MTMR1: variants seen among roughly 807,000 people sequenced by gnomAD.
MTMR1 encodes myotubularin related protein 1.
MTMR1 carries 17 observed loss-of-function variants against 51.6 expected under a neutral mutation model. The observed-to-expected ratio is 0.33, with a 90% CI of 0.23 to 0.49. The LOEUF (loss-of-function observed/expected upper bound fraction) is 0.49, where lower values mean the gene tolerates loss of function less well. MTMR1 is among the 20% of genes least tolerant of loss of function. MTMR1 has a pLI of 0.99. For synonymous variants in MTMR1, 201 were observed against 205.6 expected, an observed-to-expected ratio of 0.98 and a Z score of 0.19; for missense variants, 386 against 526.9, an observed-to-expected ratio of 0.73 and a Z score of 2.62.
At chrX:150,703,501 C>G (rs1309087172) in intron 2 of MTMR1, among the ~76,000 whole-genome samples, 2 of 112,041 alleles carry the variant, frequency 1.8e-5, no homozygotes, top group Non-Finnish European at 3.8e-5. Context: ...CACACACACA[C>G]AGTAGCTATA....
intron 4 of MTMR1, among the ~76,000 whole-genome samples, chrX:150,723,013 C>G (rs1167527875): frequency 1.9e-5 from 2 of 104,912 alleles, no homozygotes; most frequent in African/African-American, 3.5e-5. Flanking sequence ...TCCCCCCACC[C>G]CACAACAGTC....
chrX:150,764,474 T>A lies in MTMR1; in HGVS notation c.*1745T>A, dbSNP rs1307978897. On this transcript the variant is annotated 3_prime_UTR_variant, in exon 16 of 16. Transcript: ENST00000445323. ...TATACTGGATTATTGATATACTGAT[T>A]TTTTTTTTAATGGGGACATTTGCCA... is the stretch of plus-strand genomic sequence containing the variant. 1.8e-5 allele frequency: 2 copies of A among 110,620 alleles called. No individual in the cohort carries two copies. Among genetic ancestry groups the A allele is most frequent in the African/African-American group, 6.6e-5 (2 of 30,382 alleles). 9.1% of individuals were successfully genotyped at this position (110,620 alleles called of 1,213,427 possible). A position where few individuals can be genotyped will look rare whatever the true frequency, so the allele number is the denominator to read the frequency against.
chrX:150,742,648 C>G (rs975864374), intron 12 of MTMR1, among the ~76,000 whole-genome samples: 97 of 108,916 alleles, frequency 8.9e-4, no homozygotes, highest in Non-Finnish European at 1.8e-3. Context: ...AACCCCGTCT[C>G]TACTAAAAAT....
intron 15 of MTMR1, among the ~76,000 whole-genome samples, chrX:150,757,216 CTAT>C: frequency 8.9e-6 from 1 of 112,451 alleles, no homozygotes; most frequent in East Asian, 2.8e-4. Flanking sequence ...GGATACGTCA[CTAT>C]AGTACCCCGG....
intron 14 of MTMR1, among the ~76,000 whole-genome samples, chrX:150,753,820 A>G (rs1032043404): frequency 8.9e-6 from 1 of 111,910 alleles, no homozygotes; most frequent in Admixed American, 9.4e-5. Flanking sequence ...AAAGTTTTTA[A>G]TTTTGATGAA....
chrX:150,762,266 C>T (rs1245161071), intron 15 of MTMR1, among the ~76,000 whole-genome samples: 7 of 112,456 alleles, frequency 6.2e-5, no homozygotes, highest in South Asian at 3.7e-4. Context: ...ATCCATGGTG[C>T]GCAGTGTCCC....
chrX:150,699,162 A>C (rs1407098838), intron 1 of MTMR1, 33 bp from the exon 2 acceptor site: 1 of 998,228 alleles, frequency 1.0e-6, no homozygotes, highest in East Asian at 3.2e-5. Flanking sequence ...ATCCTATGAT[A>C]TAACGTTTTG....
chrX:150,708,756 A>G (rs993280756), intron 2 of MTMR1, among the ~76,000 whole-genome samples: 14 of 111,062 alleles, frequency 1.3e-4, no homozygotes, highest in Non-Finnish European at 2.5e-4. Context: ...AAGGTTACTT[A>G]TCCACCCCAG....
intron 8 of MTMR1, 137 bp downstream of exon 8, chrX:150,730,745 C>T: frequency 3.2e-6 from 1 of 314,802 alleles, no homozygotes; most frequent in Non-Finnish European, 5.7e-6. Flanking sequence ...CTTATAGGTT[C>T]TCCATCTTTC....
rs1235957179 is a variant in MTMR1 at position 150,723,553 on chromosome X, G to GGT, written c.353-3658_353-3657dup. ...CTTTTTAATGATTGCCATTCTAACT[G>GGT]GTGTGAGATGGTATCTCATTGTGGT... On this transcript the variant is annotated intron_variant, in intron 4 of 15. Transcript: ENST00000445323. 4.5e-5 allele frequency among the ~76,000 whole-genome samples: 5 copies of GGT among 111,228 alleles called. No individual in the cohort carries two copies. In the South Asian group the frequency reaches 1.9e-3, roughly 42 times the overall value.
chrX:150,730,480 T>TA, intron 7 of MTMR1, 45 bp from the exon 8 acceptor site: 1 of 896,899 alleles, frequency 1.1e-6, no homozygotes, highest in East Asian at 3.2e-5. Context: ...GTATATGATA[T>TA]AAAAAGAAAT....
intron 12 of MTMR1, 107 bp downstream of exon 12, chrX:150,737,555 C>A: frequency 1.6e-6 from 1 of 622,264 alleles, no homozygotes; most frequent in Non-Finnish European, 2.5e-6. Context: ...CACGTGCAGG[C>A]TTTCTCTTCT....
chrX:150,722,585 CT>C (rs2041786118), intron 4 of MTMR1, among the ~76,000 whole-genome samples: 1 of 111,201 alleles, frequency 9.0e-6, no homozygotes, highest in Non-Finnish European at 1.9e-5. Context: ...TATTTTCATC[CT>C]TTGAATTTCA....
intron 15 of MTMR1, among the ~76,000 whole-genome samples, chrX:150,761,594 G>A (rs2043133694): frequency 8.9e-6 from 1 of 112,882 alleles, no homozygotes; most frequent in Admixed American, 9.3e-5. Context: ...CAGTCACATG[G>A]CCTGGCTGAG....
rs1490102162 is a variant in MTMR1 at position 150,727,697 on chromosome X, T to A, written c.461T>A (p.Ile154Asn). ...TTTTGAACCTAGGACCCGCATTTTA[T>A]CCTTGATGTTCCCCTTGGAGTGATC... ...FKNVERDPHF[I>N]LDVPLGVISR... Residue 154 changes from isoleucine (I) to asparagine (N), a missense_variant, in exon 6 of 16, where the codon ATC becomes AAC. Ile to Asn is a moderately radical substitution (Grantham distance 149). Coordinates refer to ENST00000445323, the MANE Select transcript of MTMR1 (RefSeq NM_001306144.3). 8.3e-7 allele frequency: 1 copy of A among 1,208,100 alleles called. No individual in the cohort carries two copies. Among genetic ancestry groups the A allele is most frequent in the Non-Finnish European group, 1.1e-6 (1 of 893,667 alleles).
intron 14 of MTMR1, among the ~76,000 whole-genome samples, chrX:150,753,771 G>GT (rs1381192011): frequency 2.3e-4 from 25 of 110,115 alleles, no homozygotes; most frequent in South Asian, 1.1e-3. Context: ...TCTAGGGGTT[G>GT]TTTTTTTTTA....
At chrX:150,707,932 A>C (rs906619745) in intron 2 of MTMR1, among the ~76,000 whole-genome samples, 9 of 112,380 alleles carry the variant, frequency 8.0e-5, no homozygotes, top group African/African-American at 2.9e-4. Context: ...ACTTGGATGA[A>C]TCTTAAAGGA....
At chrX:150,719,705 C>T (rs1175944076) in intron 4 of MTMR1, among the ~76,000 whole-genome samples, 1 of 112,146 alleles carries the variant, frequency 8.9e-6, no homozygotes, top group Non-Finnish European at 1.9e-5. Flanking sequence ...TTGTTTTTCA[C>T]TTTAGTTTTA....
rs782305775 is a variant in MTMR1, at chrX:150,695,505, A to C, written c.146+1829A>C. ...ATTTGAAGACCTGCAGGGTAGAGCC[A>C]ATGGGGTTTGCTGAAGATTGGTTGG... is the stretch of plus-strand genomic sequence containing the variant. On this transcript the variant is annotated intron_variant, in intron 1 of 15. Coordinates refer to ENST00000445323, the MANE Select transcript of MTMR1 (RefSeq NM_001306144.3). 7.2e-5 allele frequency among the ~76,000 whole-genome samples: 8 copies of C among 111,860 alleles called. No individual in the cohort carries two copies. The East Asian group carries it at 1.7e-3, about 24-fold the overall frequency.
Sources: gnomAD v4.1 joint callset for allele counts (sites outside exome capture counted in the v4.1 genomes callset) on GRCh38, gnomAD v4.1.1 for gene constraint, MANE v1.5 for transcripts, NCBI Gene and HGNC (gene_info 2026-07-23, HGNC 2026-07-21) for gene names.